GSE1: variants seen among roughly 807,000 people sequenced by gnomAD.
GSE1 encodes the protein Gse1 coiled-coil protein, also known as genetic suppressor element 1.
In GSE1, 32 loss-of-function variants were observed where a neutral mutation model predicts 112.6. The ratio of observed to expected loss-of-function variants is 0.28; its 90% CI spans 0.21 to 0.38. GSE1 has a LOEUF of 0.38. Among genes scored for constraint, GSE1 ranks in the 10% least tolerant of loss-of-function variants. The pLI, the probability that GSE1 is intolerant of heterozygous loss-of-function variation, is 1.00. For missense variants in GSE1, 2,348 were observed against 1,699.2 expected (o/e 1.38, Z -6.71); for synonymous variants, 1,115 against 735.6 (o/e 1.52, Z -8.35).
chr16:85,308,505 C>T (rs2045741793), intron 1 of GSE1, among the ~76,000 whole-genome samples: 1 of 152,156 alleles, frequency 6.6e-6, no homozygotes, highest in African/African-American at 2.4e-5. Flanking sequence ...TAAACTGCTT[C>T]AGAAAACAAA....
chr16:85,425,302 C>CGGGTGATGTGAGGTGGTGAT (rs1173907959), intron 2 of GSE1, among the ~76,000 whole-genome samples: 6 of 152,170 alleles, frequency 3.9e-5, no homozygotes, highest in Non-Finnish European at 5.9e-5. Context: ...AGGGGATGCA[C>CGGGTGATGTGAGGTGGTGAT]GGGTGATGTG....
At chr16:85,400,067 A>G (rs1313606818) in intron 2 of GSE1, among the ~76,000 whole-genome samples, 1 of 152,246 alleles carries the variant, frequency 6.6e-6, no homozygotes, top group Non-Finnish European at 1.5e-5. Context: ...TGTCACGGCC[A>G]CACGGAGCTA....
At chr16:85,200,476 C>T (rs758973143) in intron 1 of GSE1, among the ~76,000 whole-genome samples, 13 of 152,050 alleles carry the variant, frequency 8.5e-5, no homozygotes, top group Non-Finnish European at 1.2e-4. Context: ...TCACACAGCT[C>T]TTATGCAGTG....
Position 85,657,475 on chromosome 16 carries a change from T to C in GSE1, c.1511T>C (p.Leu504Pro), listed in dbSNP as rs1336163107. The C allele has an allele frequency of 1.2e-6, 2 of 1,607,952 alleles. No homozygotes were observed. The highest frequency in any genetic ancestry group is 8.5e-7 in the Non-Finnish European group (1 of 1,177,818). ...AAGTGGCTGGCGCGGCAGCGGCGGC[T>C]GCGGCAGGAGAAGGAGGACCGGCAG... ...EEKWLARQRR[L>P]RQEKEDRQSQ... is the part of the protein sequence containing the mutation. The change falls in exon 8 of 16, where the codon CTG becomes CCG. Residue 504 changes from leucine (L) to proline (P), a missense_variant. By Grantham distance (98) the Leu-to-Pro change is moderately conservative. Coordinates refer to ENST00000253458, the MANE Select transcript of GSE1 (RefSeq NM_014615.5).
chr16:85,441,925 C>T (rs562368812), intron 2 of GSE1, among the ~76,000 whole-genome samples: 13 of 152,298 alleles, frequency 8.5e-5, no homozygotes, highest in Middle Eastern at 3.4e-3. Flanking sequence ...CTCCCTGTGC[C>T]GCTTGCAATA....
At chr16:85,361,675 G>A (rs1376015364) in intron 2 of GSE1, among the ~76,000 whole-genome samples, 3 of 152,260 alleles carry the variant, frequency 2.0e-5, no homozygotes, top group East Asian at 1.9e-4. Context: ...CGTACGTGGG[G>A]ACAGCAGCTT....
At chr16:85,322,807 G>T (rs553240582) in intron 1 of GSE1, among the ~76,000 whole-genome samples, 2 of 152,058 alleles carry the variant, frequency 1.3e-5, no homozygotes, top group East Asian at 3.9e-4. Context: ...GTAGAGAGGG[G>T]GTTTCACCAT....
intron 2 of GSE1, among the ~76,000 whole-genome samples, chr16:85,462,735 G>A (rs1293235883): frequency 1.5e-5 from 2 of 136,062 alleles, no homozygotes; most frequent in Non-Finnish European, 3.2e-5. Context: ...GGCGGCGCCG[G>A]CCGGGCGGGG....
chr16:85,481,576 C>T (rs1349612130), intron 2 of GSE1, among the ~76,000 whole-genome samples: 1 of 152,166 alleles, frequency 6.6e-6, no homozygotes, highest in Non-Finnish European at 1.5e-5. Flanking sequence ...AATCTTCTGT[C>T]CTGTGTGTGT....
chr16:85,643,266 T>A (rs547064015), intron 2 of GSE1, among the ~76,000 whole-genome samples: 1 of 152,316 alleles, frequency 6.6e-6, no homozygotes, highest in Admixed American at 6.5e-5. Flanking sequence ...GCCAGTTAAT[T>A]ACAGCAATCA....
chr16:85,587,862 G>A (rs1020937584), intron 1 of GSE1, among the ~76,000 whole-genome samples: 11 of 152,210 alleles, frequency 7.2e-5, no homozygotes, highest in Admixed American at 2.0e-4. Context: ...AGCCCTTCCC[G>A]TGTCTGGACG....
chr16:85,492,634 A>G (rs2051046893), intron 2 of GSE1, among the ~76,000 whole-genome samples: 1 of 152,208 alleles, frequency 6.6e-6, no homozygotes, highest in African/African-American at 2.4e-5. Flanking sequence ...CCGAAGTGGC[A>G]GAGGTTGGAT....
chr16:85,268,984 A>C (rs1421791829), intron 1 of GSE1, among the ~76,000 whole-genome samples: 1 of 130,482 alleles, frequency 7.7e-6, no homozygotes, highest in Non-Finnish European at 1.9e-5. Context: ...GGCTGCAGAA[A>C]ATGCCAGGAG....
intron 2 of GSE1, among the ~76,000 whole-genome samples, chr16:85,426,529 G>GGTGGATGC (rs1439184715): frequency 2.7e-5 from 4 of 150,842 alleles, no homozygotes; most frequent in Non-Finnish European, 5.9e-5. Context: ...TGGAAGGGTG[G>GGTGGATGC]GTGGATGGAT....
chr16:85,554,871 C>T, upstream of GSE1: 1 of 985,256 alleles, frequency 1.0e-6, no homozygotes, highest in African/African-American at 1.7e-5. Flanking sequence ...CCCGCAGCCG[C>T]CCACTGTTTG....
chr16:85,439,979 C>A (rs1005206749), intron 2 of GSE1, among the ~76,000 whole-genome samples: 2 of 152,220 alleles, frequency 1.3e-5, no homozygotes, highest in African/African-American at 4.8e-5. Flanking sequence ...TACATATGTG[C>A]ACATGCATGC....
rs140265162 is a variant in GSE1 at position 85,674,685 on chromosome 16, C to G, written c.*2146C>G. On this transcript the variant is annotated 3_prime_UTR_variant, in exon 16 of 16. Coordinates refer to ENST00000253458, the MANE Select transcript of GSE1 (RefSeq NM_014615.5). Reference sequence around the variant, plus strand: ...GATCCGATAACTTAAAAACGTAGCTCATCCCTTACCATCCAAGGGGCACTC... The same window carrying G: ...GATCCGATAACTTAAAAACGTAGCTGATCCCTTACCATCCAAGGGGCACTC... 2.6e-5 allele frequency: 4 copies of G among 152,350 alleles called. No homozygotes were observed. The highest frequency in any genetic ancestry group is 9.6e-5 in the African/African-American group (4 of 41,578). The allele number at this position is 152,350 out of a possible 1,614,324, so 9.4% of individuals were successfully genotyped here. A position where few individuals can be genotyped will look rare whatever the true frequency, so the allele number is the denominator to read the frequency against.
At chr16:85,601,410 G>C (rs755596280) in intron 1 of GSE1, among the ~76,000 whole-genome samples, 1 of 152,108 alleles carries the variant, frequency 6.6e-6, no homozygotes, top group Non-Finnish European at 1.5e-5. Context: ...GGGCCAGGCT[G>C]GTGGGGAGGA....
intron 1 of GSE1, among the ~76,000 whole-genome samples, chr16:85,221,509 C>T (rs1597832224): frequency 6.6e-6 from 1 of 152,152 alleles, no homozygotes; most frequent in African/African-American, 2.4e-5. Flanking sequence ...ACGCCACATC[C>T]CTATCCCTCT....
Sources: allele counts gnomAD v4.1 joint callset (sites outside exome capture counted in the v4.1 genomes callset), GRCh38; gene constraint gnomAD v4.1.1; transcripts MANE v1.5; gene names NCBI Gene and HGNC (gene_info 2026-07-23, HGNC 2026-07-21).